Variants in ITGB2 observed in about 807,000 individuals in gnomAD.
The protein encoded by ITGB2 is integrin beta-2.
Under a neutral mutation model 86.8 loss-of-function variants are expected in ITGB2, and 56 were observed. The ratio of observed to expected loss-of-function variants is 0.65; its 90% CI spans 0.52 to 0.81. ITGB2 has a LOEUF of 0.81. Among genes scored for constraint, ITGB2 ranks in the 30% least tolerant of loss-of-function variants. The pLI is 0.00. For missense variants in ITGB2, 948 were observed against 1,061.2 expected, an observed-to-expected ratio of 0.89 and a Z score of 1.48; for synonymous variants, 457 against 450.4, an observed-to-expected ratio of 1.01 and a Z score of -0.19.
chr21:44,896,680 C>T (rs1716933197), intron 8 of ITGB2, among the ~76,000 whole-genome samples: 1 of 152,252 alleles, frequency 6.6e-6, no homozygotes, highest in African/African-American at 2.4e-5. Flanking sequence ...CCTCCCACAT[C>T]CTGTCCTGCT....
chr21:44,900,599 C>A, intron 6 of ITGB2, 124 bp from the exon 7 acceptor site: 1 of 1,223,746 alleles, frequency 8.2e-7, no homozygotes, highest in East Asian at 2.5e-5. Context: ...CCCCCTTTCC[C>A]CTGGGTCTCA....
upstream of ITGB2, among the ~76,000 whole-genome samples, chr21:44,922,447 G>A (rs1356266566): frequency 6.6e-6 from 1 of 152,074 alleles, no homozygotes; most frequent in Non-Finnish European, 1.5e-5. Context: ...AGGATCACTT[G>A]AGCCCAGGAG....
In ITGB2 at chr21:44,891,906, C is replaced by T. The variant is rs372056902; in HGVS notation, c.1315G>A (p.Val439Met). 40 of 1,613,260 alleles carry T rather than the reference C, an allele frequency of 2.5e-5. No homozygotes were observed. Among genetic ancestry groups the T allele is most frequent in the East Asian group, 4.5e-5 (2 of 44,880 alleles). The change falls in exon 11 of 16, where the codon GTG becomes ATG. Residue 439 changes from valine to methionine, a missense_variant. Physicochemically the swap from Val to Met is conservative, Grantham distance 21. Transcript: ENST00000652462. ...RALGFTDIVTVQVLPQCECRC... is the reference protein window; with the variant it reads ...RALGFTDIVTMQVLPQCECRC... ...CACTCACACTGGGGAAGAACCTGCACGGTCACTATGTCCGTGAAGCCCAGC... is the reference window on the plus strand; with the variant it reads ...CACTCACACTGGGGAAGAACCTGCATGGTCACTATGTCCGTGAAGCCCAGC...
upstream of ITGB2, among the ~76,000 whole-genome samples, chr21:44,921,951 T>G (rs1476344741): frequency 6.6e-6 from 1 of 152,222 alleles, no homozygotes; most frequent in Non-Finnish European, 1.5e-5. Context: ...CTTGAACTCC[T>G]GGCTTCAAGT....
intron 5 of ITGB2, 60 bp from the exon 6 acceptor site, chr21:44,901,793 C>A: frequency 6.4e-7 from 1 of 1,562,848 alleles, no homozygotes; most frequent in Non-Finnish European, 8.7e-7. Flanking sequence ...GGAGGGCCAG[C>A]TTCAAAGGGG....
chr21:44,895,593 G>A (rs1444844024), intron 8 of ITGB2, among the ~76,000 whole-genome samples: 1 of 151,778 alleles, frequency 6.6e-6, no homozygotes, highest in East Asian at 2.0e-4. Context: ...TGTGATCCCA[G>A]CACTTTGGGA....
intron 1 of ITGB2, among the ~76,000 whole-genome samples, chr21:44,919,945 G>T (rs1407999553): frequency 2.0e-5 from 3 of 152,194 alleles, no homozygotes; most frequent in African/African-American, 7.2e-5. Flanking sequence ...GGACCCAGGG[G>T]CGTGGCTTCA....
intron 1 of ITGB2, chr21:44,927,740 A>G (rs1313811209): frequency 6.6e-6 from 1 of 151,622 alleles, no homozygotes; most frequent in Non-Finnish European, 1.5e-5. Flanking sequence ...GGCAGAGGGG[A>G]GGAGGTGACA....
chr21:44,926,381 G>A (rs1243970738), intron 1 of ITGB2, among the ~76,000 whole-genome samples: 1 of 152,252 alleles, frequency 6.6e-6, no homozygotes, highest in African/African-American at 2.4e-5. Context: ...AAAATATCAG[G>A]TGTGGCTGCA....
At chr21:44,920,968 AGGAAGTGGT>A (rs2084296292), upstream of ITGB2, 1 of 152,250 alleles carries the variant, frequency 6.6e-6, no homozygotes, top group East Asian at 1.9e-4. Context: ...TCCTCCTTGG[AGGAAGTGGT>A]GGGTTGCACC....
chr21:44,894,273 C>A (rs1044166587), intron 9 of ITGB2: 4 of 161,502 alleles, frequency 2.5e-5, no homozygotes, highest in African/African-American at 9.6e-5. Flanking sequence ...CAACGTTTGT[C>A]GGAGGCGCTA....
intron 9 of ITGB2, chr21:44,894,698 C>G: frequency 4.0e-6 from 2 of 494,088 alleles, no homozygotes; most frequent in Non-Finnish European, 7.4e-6. Flanking sequence ...CATAGAGACC[C>G]GCAGAGAAGA....
chr21:44,917,226 C>T (rs1316585631), intron 1 of ITGB2, among the ~76,000 whole-genome samples: 3 of 152,252 alleles, frequency 2.0e-5, no homozygotes, highest in South Asian at 2.1e-4. Context: ...TCGGTGCCTG[C>T]GCTATGGAGT....
At chr21:44,919,698 C>A (rs873555) in intron 1 of ITGB2, among the ~76,000 whole-genome samples, 17,552 of 152,044 alleles carry the variant, frequency 0.12, 1,071 homozygotes, top group Middle Eastern at 0.15. Context: ...CTCCGGCCAT[C>A]CCCCCCCTTC....
rs2083763653 is a variant in ITGB2, at chr21:44,890,048, T to C, written c.1587A>G (p.Ile529Met). 1 of 1,613,538 alleles carries C rather than the reference T, an allele frequency of 6.2e-7. No homozygotes were observed. Among genetic ancestry groups the C allele is most frequent in the East Asian group, 2.2e-5 (1 of 44,874 alleles). ...CHTSDVPGKL[I>M]YGQYCECDTI... Reference sequence around the variant, plus strand: ...TGTCACACTCGCAGTACTGCCCGTATATCAGCTTGCCGGGGACGTCGCTGG... The same window carrying C: ...TGTCACACTCGCAGTACTGCCCGTACATCAGCTTGCCGGGGACGTCGCTGG... The change falls in exon 12 of 16, where the codon ATA becomes ATG. Residue 529 changes from isoleucine to methionine, a missense_variant. Transcript: ENST00000652462.
chr21:44,889,609 T>C, intron 12 of ITGB2, 114 bp from the exon 13 acceptor site: 1 of 1,033,708 alleles, frequency 9.7e-7, no homozygotes, highest in Non-Finnish European at 1.4e-6. Context: ...GCCTGGGGGA[T>C]GTTCCTGAGC....
chr21:44,900,607 T>C, intron 6 of ITGB2, 132 bp from the exon 7 acceptor site: 2 of 1,086,446 alleles, frequency 1.8e-6, no homozygotes, highest in Non-Finnish European at 2.7e-6. Context: ...CCCCTGGGTC[T>C]CAGGGACCCA....
At chr21:44,893,768 C>G (rs1407224820) in intron 9 of ITGB2, 2 of 570,848 alleles carry the variant, frequency 3.5e-6, no homozygotes, top group Non-Finnish European at 6.5e-6. Context: ...AGCATGGAGC[C>G]AGGGTGTGAG....
chr21:44,901,795 T>C lies in ITGB2; in HGVS notation c.500-62A>G. ...CTGGGCCCAGGTGGGAGGGCCAGCT[T>C]CAAAGGGGCACGAGGGCAAGCCTGT... On this transcript the variant is annotated intron_variant, in intron 5 of 15. Transcript: ENST00000652462. 3 of 1,558,650 alleles carry C rather than the reference T, an allele frequency of 1.9e-6. 1 individual carries two copies. The East Asian group carries it at 6.8e-5, about 35-fold the overall frequency.
Sources: allele counts gnomAD v4.1 joint callset (sites outside exome capture counted in the v4.1 genomes callset), GRCh38; gene constraint gnomAD v4.1.1; transcripts MANE v1.5; gene names NCBI Gene and HGNC (gene_info 2026-07-23, HGNC 2026-07-21).